The following ENTREP2 variants were observed in gnomAD, a reference collection of about 807,000 sequenced individuals.
ENTREP2 encodes protein ENTREP2.
the ENTREP2 span, among the ~76,000 whole-genome samples, chr15:29,366,655 A>C: frequency 6.6e-6 from 1 of 152,218 alleles, no homozygotes; most frequent in Non-Finnish European, 1.5e-5. Context: ...AGAAAAATGG[A>C]ATCATACAGT....
At chr15:29,404,967 TCCTC>T in the ENTREP2 span, among the ~76,000 whole-genome samples, 27 of 152,068 alleles carry the variant, frequency 1.8e-4, no homozygotes, top group African/African-American at 6.0e-4. Flanking sequence ...GGCCCCCAGT[TCCTC>T]CCTCCACCTG....
chr15:29,580,273 G>A, the ENTREP2 span, among the ~76,000 whole-genome samples: 1 of 152,246 alleles, frequency 6.6e-6, no homozygotes, highest in South Asian at 2.1e-4. Flanking sequence ...CAGGGCAGCA[G>A]AATGGTTAGG....
the ENTREP2 span, among the ~76,000 whole-genome samples, chr15:29,665,814 C>T: frequency 0.057 from 8,635 of 150,342 alleles, 732 homozygotes; most frequent in African/African-American, 0.19. Flanking sequence ...ATTATAGGCA[C>T]GTGTATGTTA....
chr15:29,187,413 T>C, the ENTREP2 span, among the ~76,000 whole-genome samples: 1 of 152,144 alleles, frequency 6.6e-6, no homozygotes, highest in African/African-American at 2.4e-5. Context: ...GTAGCTGGGA[T>C]TACAGGCGTG....
chr15:29,493,940 G>A, the ENTREP2 span, among the ~76,000 whole-genome samples: 1 of 152,026 alleles, frequency 6.6e-6, no homozygotes, highest in Non-Finnish European at 1.5e-5. Context: ...TCACACCACT[G>A]TACTCCAGCC....
chr15:29,654,641 G>A, the ENTREP2 span, among the ~76,000 whole-genome samples: 1 of 152,062 alleles, frequency 6.6e-6, no homozygotes, highest in Non-Finnish European at 1.5e-5. Context: ...TCTATGTAAG[G>A]TATCTTTCCT....
At chr15:29,543,554 T>C in the ENTREP2 span, among the ~76,000 whole-genome samples, 1 of 151,824 alleles carries the variant, frequency 6.6e-6, no homozygotes, top group African/African-American at 2.4e-5. Context: ...CTGAGGTAGG[T>C]GGATCATTTG....
chr15:29,579,509 T>C, the ENTREP2 span, among the ~76,000 whole-genome samples: 13 of 143,614 alleles, frequency 9.1e-5, no homozygotes, highest in Non-Finnish European at 1.8e-4. Context: ...ATACTGGCCT[T>C]TGGTTTCTTT....
chr15:29,321,284 G>T, the ENTREP2 span, among the ~76,000 whole-genome samples: 2 of 152,074 alleles, frequency 1.3e-5, no homozygotes, highest in African/African-American at 4.8e-5. Flanking sequence ...TGAAGAGCGT[G>T]GAGTATTTAA....
chr15:29,270,390 A>G, the ENTREP2 span, among the ~76,000 whole-genome samples: 17 of 151,454 alleles, frequency 1.1e-4, no homozygotes, highest in Admixed American at 1.0e-3. Context: ...TCTGCATTAA[A>G]CTCCTTTAGC....
At chr15:29,261,794 T>G in the ENTREP2 span, among the ~76,000 whole-genome samples, 1 of 152,014 alleles carries the variant, frequency 6.6e-6, no homozygotes, top group Non-Finnish European at 1.5e-5. Context: ...TTAGGAAATA[T>G]TTAGCATTGA....
chr15:29,299,090 G>T, the ENTREP2 span, among the ~76,000 whole-genome samples: 3 of 152,156 alleles, frequency 2.0e-5, no homozygotes, highest in South Asian at 6.2e-4. Flanking sequence ...CAGGAAGCTT[G>T]GTCTATCCAT....
the ENTREP2 span, among the ~76,000 whole-genome samples, chr15:29,276,409 T>TAA: frequency 6.6e-6 from 1 of 152,246 alleles, no homozygotes; most frequent in Admixed American, 6.5e-5. Context: ...CCTTTCCCTT[T>TAA]AGAAACAGCC....
chr15:29,233,609 GA>G, the ENTREP2 span: 3 of 678,144 alleles, frequency 4.4e-6, 1 homozygote, highest in Middle Eastern at 5.2e-4. Flanking sequence ...TAATCAAAAT[GA>G]AATGCTATGA....
chr15:29,343,472 C>A, the ENTREP2 span, among the ~76,000 whole-genome samples: 1 of 152,084 alleles, frequency 6.6e-6, no homozygotes, highest in Admixed American at 6.6e-5. Context: ...AATGAAACCT[C>A]AACACCTACC....
the ENTREP2 span, among the ~76,000 whole-genome samples, chr15:29,207,148 G>A: frequency 6.6e-6 from 1 of 152,116 alleles, no homozygotes; most frequent in African/African-American, 2.4e-5. Flanking sequence ...TTTTGTTCCT[G>A]GAGAGATGCT....
At chr15:29,291,371 T>TCTGCTACTGGGGTCAGATGG in the ENTREP2 span, among the ~76,000 whole-genome samples, 60 of 152,330 alleles carry the variant, frequency 3.9e-4, 1 homozygote, top group South Asian at 0.011. Context: ...TCAACCTCTG[T>TCTGCTACTGGGGTCAGATGG]CTGCTACTGG....
At chr15:29,664,542 G>C in the ENTREP2 span, among the ~76,000 whole-genome samples, 5 of 151,886 alleles carry the variant, frequency 3.3e-5, no homozygotes, top group Non-Finnish European at 7.4e-5. Context: ...GCGTGTGGAA[G>C]ATGGCAGTGT....
At chr15:29,358,269 G>C in the ENTREP2 span, among the ~76,000 whole-genome samples, 4 of 152,134 alleles carry the variant, frequency 2.6e-5, no homozygotes, top group African/African-American at 7.2e-5. Context: ...TTGATGTAGA[G>C]CTACACATGA....
Sources: allele counts gnomAD v4.1 joint callset (sites outside exome capture counted in the v4.1 genomes callset), GRCh38; gene constraint gnomAD v4.1.1; transcripts MANE v1.5; gene names NCBI Gene and HGNC (gene_info 2026-07-23, HGNC 2026-07-21).